PARP10: variants seen among roughly 807,000 people sequenced by gnomAD.
PARP10 encodes poly(ADP-ribose) polymerase family member 10, also known as protein mono-ADP-ribosyltransferase PARP10.
Under a neutral mutation model 82.4 loss-of-function variants are expected in PARP10, and 56 were observed. The observed-to-expected ratio is 0.68, with a 90% CI of 0.55 to 0.85. PARP10 has a LOEUF of 0.85. PARP10 is among the 40% of genes least tolerant of loss of function. PARP10 has a pLI of 0.00. For synonymous variants in PARP10, 576 were observed against 601.1 expected (o/e 0.96, Z 0.61); for missense variants, 1,227 against 1,379.4 (o/e 0.89, Z 1.75).
rs782514908 is a variant in PARP10, at chr8:143,985,572, C to T, written c.513G>A (p.Gln171=). The change falls in exon 4 of 11, where the codon CAG becomes CAA. Residue 171 remains glutamine, a synonymous_variant. Coordinates refer to ENST00000313028, the MANE Select transcript of PARP10 (RefSeq NM_032789.5). ...CCCCCACCACACGCACCGCTCGGGC[C>T]TGGGGAACCCGGGCCAGGGACACCA... ...GTLVSLARVP[Q]ARAVRVVGDG... is the part of the protein sequence containing the mutation. The T allele has an allele frequency of 4.3e-6, 7 of 1,613,924 alleles. No homozygotes were observed. Among genetic ancestry groups the T allele is most frequent in the Non-Finnish European group, 3.4e-6 (4 of 1,180,004 alleles).
intron 9 of PARP10, among the ~76,000 whole-genome samples, chr8:143,979,682 G>A (rs1833800291): frequency 6.6e-6 from 1 of 152,172 alleles, no homozygotes. Context: ...AGGCCAAGGT[G>A]GGTGGATCAC....
At chr8:143,978,117 C>A in intron 9 of PARP10, 36 bp from the exon 10 acceptor site, 3 of 1,461,306 alleles carry the variant, frequency 2.1e-6, no homozygotes, top group Non-Finnish European at 2.7e-6. Flanking sequence ...TAAACACCCT[C>A]CCTACGCCCT....
At chr8:143,998,520 C>T (rs1310236256) in intron 1 of PARP10, among the ~76,000 whole-genome samples, 1 of 151,964 alleles carries the variant, frequency 6.6e-6, no homozygotes, top group African/African-American at 2.4e-5. Flanking sequence ...TGACTGAAAA[C>T]CAAGAGGAAA....
intron 1 of PARP10, among the ~76,000 whole-genome samples, chr8:144,002,653 C>T (rs1554751772): frequency 6.6e-6 from 1 of 152,096 alleles, no homozygotes; most frequent in Non-Finnish European, 1.5e-5. Flanking sequence ...AACTGGGTAA[C>T]TACTTCAAAA....
upstream of PARP10, chr8:143,990,263 C>G (rs1181791429): frequency 2.7e-5 from 4 of 149,724 alleles, no homozygotes; most frequent in African/African-American, 7.3e-5. The surrounding 1 kb of genome is among the most constrained non-coding windows in gnomAD (Gnocchi z 5.6). Flanking sequence ...CTGCCGCCCC[C>G]GCCCCCGCCC....
In PARP10 at chr8:143,982,984, C is replaced by A; in HGVS notation, c.2504G>T (p.Arg835Leu). The A allele has an allele frequency of 6.2e-7, 1 of 1,613,952 alleles. No homozygotes were observed. Among genetic ancestry groups the A allele is most frequent in the South Asian group, 1.1e-5 (1 of 91,086 alleles). ...AGCGTCCAGGGTGTCGTAGAAGGCCCGCACCACCTCCTGGAACTCCCCGGT... is the reference window on the plus strand; with the variant it reads ...AGCGTCCAGGGTGTCGTAGAAGGCCAGCACCACCTCCTGGAACTCCCCGGT... ...ENTGEFQEVV[R>L]AFYDTLDAAR... The change falls in exon 9 of 11, where the codon CGG becomes CTG. Residue 835 changes from arginine (R) to leucine (L), a missense_variant. Coordinates refer to ENST00000313028, the MANE Select transcript of PARP10 (RefSeq NM_032789.5).
chr8:143,977,652 G>A lies in PARP10; in HGVS notation c.2910C>T (p.His970=). 6.3e-7 allele frequency: 1 copy of A among 1,594,436 alleles called. No individual in the cohort carries two copies. The highest frequency in any genetic ancestry group is 8.5e-7 in the Non-Finnish European group (1 of 1,171,246). ...CGGCGCTGTCGTAGCGCAGGAGCAC[G>A]TGGCCAGGACCCCGCAGAGGGGGCG... ...LRAPPLRGPG[H]VLLRYDSAVD... Residue 970 remains histidine (H), a synonymous_variant, in exon 11 of 11, where the codon CAC becomes CAT. Coordinates refer to ENST00000313028, the MANE Select transcript of PARP10 (RefSeq NM_032789.5).
At chr8:144,005,784 C>CT (rs1380708587) in intron 1 of PARP10, among the ~76,000 whole-genome samples, 3 of 152,114 alleles carry the variant, frequency 2.0e-5, no homozygotes, top group African/African-American at 7.2e-5. Flanking sequence ...TCCCTGCTTT[C>CT]TTTCAGGTCT....
At chr8:143,999,682 T>C (rs1834187419) in intron 1 of PARP10, among the ~76,000 whole-genome samples, 1 of 151,492 alleles carries the variant, frequency 6.6e-6, no homozygotes, top group Non-Finnish European at 1.5e-5. Context: ...TTATTTTTTA[T>C]AGAGATGAGG....
At chr8:143,994,492 G>A (rs1021791322), upstream of PARP10, among the ~76,000 whole-genome samples, 14 of 152,172 alleles carry the variant, frequency 9.2e-5, no homozygotes, top group African/African-American at 1.9e-4. Context: ...TGAAGTCCAC[G>A]CTCCTTAGCC....
Position 143,986,248 on chromosome 8 carries a change from C to T in PARP10, c.3-15G>A, listed in dbSNP as rs782080406. 6 of 1,613,890 alleles carry T rather than the reference C, an allele frequency of 3.7e-6. No individual in the cohort carries two copies. Among genetic ancestry groups the T allele is most frequent in the East Asian group, 2.2e-5 (1 of 44,878 alleles). Reference sequence around the variant, plus strand: ...CCATTGCAACCCTGGGACGGGGCATCAGGTGGGTAGGGAAACAGCCCATTC... The same window carrying T: ...CCATTGCAACCCTGGGACGGGGCATTAGGTGGGTAGGGAAACAGCCCATTC... On this transcript the variant is annotated splice_polypyrimidine_tract_variant and intron_variant, in intron 1 of 10. Coordinates refer to ENST00000313028, the MANE Select transcript of PARP10 (RefSeq NM_032789.5).
upstream of PARP10, among the ~76,000 whole-genome samples, chr8:143,994,574 C>T (rs370483097): frequency 1.7e-4 from 26 of 152,290 alleles, no homozygotes; most frequent in South Asian, 6.2e-4. Context: ...GCCTCTCAGC[C>T]GGGGGCCCTG....
chr8:143,982,181 C>T (rs907391596), intron 9 of PARP10, among the ~76,000 whole-genome samples: 2 of 152,144 alleles, frequency 1.3e-5, no homozygotes, highest in Non-Finnish European at 2.9e-5. Flanking sequence ...GAGAGTGCCC[C>T]GTGCAAGGCC....
At chr8:144,009,758 C>G (rs1554752320) in intron 1 of PARP10, among the ~76,000 whole-genome samples, 2 of 152,172 alleles carry the variant, frequency 1.3e-5, no homozygotes, top group Non-Finnish European at 2.9e-5. Context: ...GCTCCACCAC[C>G]CATGCCAGAA....
At chr8:143,999,728 T>C (rs1834188081) in intron 1 of PARP10, among the ~76,000 whole-genome samples, 1 of 151,912 alleles carries the variant, frequency 6.6e-6, no homozygotes, top group African/African-American at 2.4e-5. Context: ...TGTGAGTCAC[T>C]GCACTGGCTC....
rs782126303 is a variant in PARP10 at position 143,977,461 on chromosome 8, A to T, written c.*23T>A. ...CGGAGCTGGGAGCCTGGGAAGCAGG[A>T]GGCCAGAGGGTGGCCCCTTCGGTTA... On this transcript the variant is annotated 3_prime_UTR_variant, in exon 11 of 11. Coordinates refer to ENST00000313028, the MANE Select transcript of PARP10 (RefSeq NM_032789.5). 6.0e-6 allele frequency: 9 copies of T among 1,509,440 alleles called. No individual in the cohort carries two copies. The South Asian group carries it at 1.1e-4, about 19-fold the overall frequency. 93.5% of individuals were successfully genotyped at this position (1,509,440 alleles called of 1,614,324 possible).
In PARP10 at chr8:143,984,267, C is replaced by A; in HGVS notation, c.1623G>T (p.Gln541His). The A allele has an allele frequency of 6.2e-7, 1 of 1,614,068 alleles. No homozygotes were observed. Among genetic ancestry groups the A allele is most frequent in the Non-Finnish European group, 8.5e-7 (1 of 1,179,974 alleles). The change falls in exon 6 of 11, where the codon CAG (glutamine) becomes CAT (histidine). Residue 541 changes from glutamine (Q) to histidine (H), a missense_variant. By Grantham distance (24) the Gln-to-His change is conservative. Coordinates refer to ENST00000313028, the MANE Select transcript of PARP10 (RefSeq NM_032789.5). Reference protein sequence around the residue: ...HLLQGLEAQFQCVFGTERLAT... With the variant: ...HLLQGLEAQFHCVFGTERLAT... ...CCAGGCGCTCTGTCCCAAAGACACACTGGAACTGAGCCTCCAGCCCCTGGA... is the reference window on the plus strand; with the variant it reads ...CCAGGCGCTCTGTCCCAAAGACACAATGGAACTGAGCCTCCAGCCCCTGGA...
At chr8:144,003,441 A>C (rs1683358280) in intron 1 of PARP10, among the ~76,000 whole-genome samples, 1 of 151,862 alleles carries the variant, frequency 6.6e-6, no homozygotes. Context: ...AAAAAAAAAA[A>C]AAAAAAAAGG....
intron 1 of PARP10, among the ~76,000 whole-genome samples, chr8:144,005,465 G>A (rs1249942467): frequency 1.3e-5 from 2 of 152,142 alleles, no homozygotes; most frequent in African/African-American, 4.8e-5. Flanking sequence ...CCTAGGGCTT[G>A]CCAATCATAA....
Sources: allele counts gnomAD v4.1 joint callset (sites outside exome capture counted in the v4.1 genomes callset), GRCh38; gene constraint gnomAD v4.1.1; non-coding constraint Gnocchi (gnomAD v3.1); transcripts MANE v1.5; gene names NCBI Gene and HGNC (gene_info 2026-07-23, HGNC 2026-07-21).